Variants in PIAS4 observed in about 807,000 individuals in gnomAD.
The protein encoded by PIAS4 is E3 SUMO-protein ligase PIAS4.
A neutral mutation model predicts 58.0 loss-of-function variants in PIAS4; 7 were observed. That is an observed-to-expected ratio of 0.12 (90% CI 0.07 to 0.23). The LOEUF (loss-of-function observed/expected upper bound fraction) is 0.23. Ranked by LOEUF, PIAS4 falls within the 10% of genes least tolerant of loss-of-function variation. The pLI is 1.00. For synonymous variants in PIAS4, 364 were observed against 312.4 expected (o/e 1.17, Z -1.74); for missense variants, 550 against 709.5 (o/e 0.78, Z 2.55).
intron 9 of PIAS4, among the ~76,000 whole-genome samples, chr19:4,036,742 T>C (rs1398634670): frequency 6.9e-6 from 1 of 145,722 alleles, no homozygotes; most frequent in East Asian, 2.1e-4. Flanking sequence ...CACCATCACA[T>C]GCACACACAC....
intron 4 of PIAS4, 146 bp from the exon 5 acceptor site, chr19:4,028,364 C>A: frequency 1.3e-6 from 1 of 793,808 alleles, no homozygotes; most frequent in Non-Finnish European, 2.1e-6. Context: ...CCCACTCAGG[C>A]CACACCCGGG....
rs897186641 is a variant in PIAS4, at chr19:4,038,413, G to A, written c.*538G>A. ...GCGCCGAGCAGCGAGCGTTTTAGCC[G>A]AGAAGCCATGGAGTGGGTTGGGGCG... On this transcript the variant is annotated 3_prime_UTR_variant, in exon 11 of 11. Transcript: ENST00000262971. This position sits in a 1 kb window ranked among gnomAD's most constrained non-coding sequence, Gnocchi z 4.1. The A allele has an allele frequency of 7.8e-5, 11 of 141,704 alleles. No homozygotes were observed. Among genetic ancestry groups the A allele is most frequent in the African/African-American group, 2.8e-4 (11 of 39,328 alleles). 8.8% of individuals were successfully genotyped at this position (141,704 alleles called of 1,614,324 possible). A position where few individuals can be genotyped will look rare whatever the true frequency, so the allele number is the denominator to read the frequency against.
At chr19:4,019,531 T>C (rs2040087631) in intron 2 of PIAS4, among the ~76,000 whole-genome samples, 6 of 152,132 alleles carry the variant, frequency 3.9e-5, no homozygotes, top group Admixed American at 3.9e-4. Flanking sequence ...GGGTGGGGTG[T>C]CTGTGTTTTC....
At chr19:4,021,477 G>A (rs1212935974) in intron 2 of PIAS4, among the ~76,000 whole-genome samples, 2 of 151,786 alleles carry the variant, frequency 1.3e-5, no homozygotes, top group Non-Finnish European at 2.9e-5. Context: ...ACCGGTCTTG[G>A]ATTTCTACAC....
At chr19:4,036,350 G>A (rs372585829) in intron 9 of PIAS4, among the ~76,000 whole-genome samples, 4 of 79,074 alleles carry the variant, frequency 5.1e-5, no homozygotes, top group East Asian at 7.9e-4. Context: ...AGTCCACACC[G>A]TCACACATCT....
chr19:4,026,067 C>A (rs1213074460), intron 3 of PIAS4, among the ~76,000 whole-genome samples: 1 of 69,726 alleles, frequency 1.4e-5, no homozygotes, highest in Admixed American at 1.5e-4. Context: ...AAGGGAGACT[C>A]CGTCTCAAAA....
intron 7 of PIAS4, among the ~76,000 whole-genome samples, chr19:4,032,751 C>G (rs1277506628): frequency 6.6e-6 from 1 of 152,202 alleles, no homozygotes; most frequent in Non-Finnish European, 1.5e-5. Context: ...GCTTCGGTGA[C>G]AGAATGAAGT....
chr19:4,012,593 CAAGTAA>C (rs1432159794), intron 1 of PIAS4, among the ~76,000 whole-genome samples: 3 of 152,152 alleles, frequency 2.0e-5, no homozygotes, highest in Admixed American at 2.0e-4. Flanking sequence ...AGGCTGTTTA[CAAGTAA>C]AGCACAATTG....
chr19:4,022,412 C>T (rs1197552121), intron 2 of PIAS4, among the ~76,000 whole-genome samples: 4 of 151,882 alleles, frequency 2.6e-5, no homozygotes, highest in Non-Finnish European at 4.4e-5. Context: ...TGCAGTGGCA[C>T]GATCTTGGCT....
intron 3 of PIAS4, among the ~76,000 whole-genome samples, chr19:4,025,490 C>T (rs552480221): frequency 4.6e-5 from 7 of 152,302 alleles, no homozygotes; most frequent in South Asian, 2.1e-4. Context: ...CTGGGCCGGG[C>T]GCCCCCATTT....
intron 9 of PIAS4, among the ~76,000 whole-genome samples, chr19:4,036,786 ACAT>A (rs1196809741): frequency 6.7e-6 from 1 of 148,248 alleles, no homozygotes; most frequent in Non-Finnish European, 1.5e-5. Context: ...ACACACACAC[ACAT>A]CTATACAGTC....
chr19:4,023,098 G>A (rs2040126043), intron 2 of PIAS4, among the ~76,000 whole-genome samples: 1 of 151,544 alleles, frequency 6.6e-6, no homozygotes, highest in Non-Finnish European at 1.5e-5. Flanking sequence ...CTTGAACCCA[G>A]GAGGTGGAGG....
chr19:4,037,776 TGAGGAGGAG>T lies in PIAS4; in HGVS notation c.1440_1448del (p.Glu485_Glu487del). Reference sequence around the variant, plus strand: ...TGGACAGCTCATCGTCCTCGGAGGATGAGGAGGAGGAGGAAGAGGAGGAGGAAGACGAGG... The same window carrying T: ...TGGACAGCTCATCGTCCTCGGAGGATGAGGAAGAGGAGGAGGAAGACGAGG... On this transcript the variant is annotated inframe_deletion, in exon 11 of 11. Transcript: ENST00000262971. This position sits in a 1 kb window ranked among gnomAD's most constrained non-coding sequence, Gnocchi z 5.8. 2 of 1,602,902 alleles carry T rather than the reference TGAGGAGGAG, an allele frequency of 1.2e-6. No individual in the cohort carries two copies. Among genetic ancestry groups the T allele is most frequent in the Non-Finnish European group, 1.7e-6 (2 of 1,175,230 alleles).
chr19:4,033,651 C>T (rs997842905), intron 9 of PIAS4, 71 bp downstream of exon 9: 2 of 1,267,530 alleles, frequency 1.6e-6, no homozygotes, highest in South Asian at 1.3e-5. Context: ...ACCCCGCTTC[C>T]TGCAGACCAC....
At chr19:4,027,757 G>A (rs879356025) in intron 3 of PIAS4, among the ~76,000 whole-genome samples, 7 of 151,884 alleles carry the variant, frequency 4.6e-5, no homozygotes, top group African/African-American at 7.3e-5. Context: ...ACCATGTTGC[G>A]CAGGCTCGTC....
At position 4,033,791 on chromosome 19, in the gene PIAS4, G is replaced by A. The variant is rs189832778; in HGVS notation, c.1142+211G>A. ...CCTTTGCTATGCAGGTGACAGCCAC[G>A]TAGCTTAGGTTGCAGAAGGTGGGCT... On this transcript the variant is annotated intron_variant, in intron 9 of 10. Coordinates refer to ENST00000262971, the MANE Select transcript of PIAS4 (RefSeq NM_015897.4). 4.2e-3 allele frequency among the ~76,000 whole-genome samples: 634 copies of A among 152,304 alleles called. 17 individuals are homozygous for A. Among genetic ancestry groups the A allele is most frequent in the Admixed American group, 0.035 (537 of 15,298 alleles).
chr19:4,022,164 G>A (rs532108349), intron 2 of PIAS4, among the ~76,000 whole-genome samples: 10 of 152,252 alleles, frequency 6.6e-5, no homozygotes, highest in African/African-American at 2.4e-4. Flanking sequence ...GCATCTTTGG[G>A]AGGATTTGTC....
chr19:4,038,380 ACCCTCACGCGCCGAGCAGCGAG>A lies in PIAS4; in HGVS notation c.*507_*528del, dbSNP rs1228815781. 4.6e-5 allele frequency: 6 copies of A among 130,112 alleles called. No individual in the cohort carries two copies. The highest frequency in any genetic ancestry group is 7.8e-5 in the Non-Finnish European group (5 of 63,764). The allele number at this position is 130,112 out of a possible 1,614,324, so 8.1% of individuals were successfully genotyped here. A position where few individuals can be genotyped will look rare whatever the true frequency, so the allele number is the denominator to read the frequency against. The stretch of plus-strand genomic sequence containing the variant: ...TCTGCAAATGCATCCTCGCCCAGAG[ACCCTCACGCGCCGAGCAGCGAG>A]CGTTTTAGCCGAGAAGCCATGGAGT... On this transcript the variant is annotated 3_prime_UTR_variant, in exon 11 of 11. Transcript: ENST00000262971. This position sits in a 1 kb window ranked among gnomAD's most constrained non-coding sequence, Gnocchi z 4.1.
chr19:4,029,027 A>G lies in PIAS4; in HGVS notation c.898A>G (p.Lys300Glu). The G allele has an allele frequency of 1.9e-6, 3 of 1,602,838 alleles. No homozygotes were observed. The highest frequency in any genetic ancestry group is 2.6e-6 in the Non-Finnish European group (3 of 1,174,784). Residue 300 changes from lysine (K) to glutamate (E), a missense_variant, in exon 7 of 11, where the codon AAG (lysine) becomes GAG (glutamate). By Grantham distance (56) the Lys-to-Glu change is moderately conservative. This residue lies in a region of PIAS4 where 225 missense variants were observed against 345.8 expected (regional missense o/e 0.65). Coordinates refer to ENST00000262971, the MANE Select transcript of PIAS4 (RefSeq NM_015897.4). ...TGGGGTAAAGCACCCGGAGCTGTGC[A>G]AGGCACTGGGTGAGCAGCTCAGGCC... The part of the protein sequence containing the change: ...TIGVKHPELC[K>E]ALVKEKLRLD...
Sources: allele counts gnomAD v4.1 joint callset (sites outside exome capture counted in the v4.1 genomes callset), GRCh38; gene constraint gnomAD v4.1.1; regional missense constraint gnomAD v4.1.1; non-coding constraint Gnocchi (gnomAD v3.1); transcripts MANE v1.5; gene names NCBI Gene and HGNC (gene_info 2026-07-23, HGNC 2026-07-21).